Variants in BZW1 observed in about 807,000 individuals in gnomAD.
BZW1 encodes eIF5-mimic protein 2.
BZW1 carries 3 observed loss-of-function variants against 54.1 expected under a neutral mutation model. The observed-to-expected ratio is 0.06, with a 90% CI of 0.03 to 0.14. The LOEUF (loss-of-function observed/expected upper bound fraction) is 0.14. Ranked by LOEUF, BZW1 falls within the 10% of genes least tolerant of loss-of-function variation. BZW1 has a pLI of 1.00. For synonymous variants in BZW1, 152 were observed against 162.7 expected (o/e 0.93, Z 0.50); for missense variants, 206 against 491.7 (o/e 0.42, Z 5.50).
rs1290852323 is a variant in BZW1, at chr2:200,815,457, C to T, written c.181C>T (p.Leu61Phe). 1 of 1,613,920 alleles carries T rather than the reference C, an allele frequency of 6.2e-7. No homozygotes were observed. The highest frequency in any genetic ancestry group is 1.1e-5 in the South Asian group (1 of 91,080). Residue 61 changes from leucine (L) to phenylalanine (F), a missense_variant, in exon 3 of 12, where the codon CTT becomes TTT. Leu to Phe is a conservative substitution (Grantham distance 22, BLOSUM62 0). Coordinates refer to ENST00000409600, the MANE Select transcript of BZW1 (RefSeq NM_001207067.2). ...GTTTCTTGATGCTTCTGGAGCAAAA[C>T]TTGATTACCGTCGATATGCAGAAAC... ...AKFLDASGAK[L>F]DYRRYAETLF... is the part of the protein sequence containing the mutation.
chr2:200,812,964 T>A (rs2038144072), intron 1 of BZW1: 1 of 681,732 alleles, frequency 1.5e-6, no homozygotes, highest in African/African-American at 1.8e-5. Flanking sequence ...CACTACAATG[T>A]CGCTTAAAAG....
chr2:200,826,407 A>AGATAGATAGAT lies in BZW1; in HGVS notation c.*4229_*4230insGATAGATAGAT, dbSNP rs1559318394. ...TAGATAGATAGATAGATAGATAGAT[A>AGATAGATAGAT]TTTTTTTTTTTTTTTTTTTTTTTTT... On this transcript the variant is annotated 3_prime_UTR_variant, in exon 12 of 12. Transcript: ENST00000409600. The AGATAGATAGAT allele has an allele frequency of 3.1e-4, 17 of 54,948 alleles. No homozygotes were observed. Among genetic ancestry groups the AGATAGATAGAT allele is most frequent in the East Asian group, 1.7e-3 (4 of 2,410 alleles). 3.4% of individuals were successfully genotyped at this position (54,948 alleles called of 1,614,324 possible).
chr2:200,812,987 C>T (rs1393858817), intron 1 of BZW1: 1 of 692,118 alleles, frequency 1.4e-6, no homozygotes, highest in Non-Finnish European at 2.7e-6. Context: ...GTTCACAGCA[C>T]TAATTTGAAG....
In BZW1 at chr2:200,825,472, CTTTATG is replaced by C. The variant is rs950960241; in HGVS notation, c.*3300_*3305del. ...TAGACCTTTGCATTGGCAGGCATGT[CTTTATG>C]TTTATACAGTGAAGTAGTATTTTTT... On this transcript the variant is annotated 3_prime_UTR_variant, in exon 12 of 12. Transcript: ENST00000409600. The C allele has an allele frequency of 6.6e-6, 1 of 152,170 alleles. No individual in the cohort carries two copies. The highest frequency in any genetic ancestry group is 1.5e-5 in the Non-Finnish European group (1 of 68,014). 9.4% of individuals were successfully genotyped at this position (152,170 alleles called of 1,614,324 possible). A position where few individuals can be genotyped will look rare whatever the true frequency, so the allele number is the denominator to read the frequency against.
chr2:200,820,166 T>C (rs1422893766), intron 10 of BZW1, 46 bp downstream of exon 10: 1 of 1,428,662 alleles, frequency 7.0e-7, no homozygotes. Flanking sequence ...ATAAAAACCC[T>C]TATAAACACA....
chr2:200,816,195 C>G, intron 4 of BZW1, 130 bp from the exon 5 acceptor site: 4 of 554,388 alleles, frequency 7.2e-6, no homozygotes, highest in South Asian at 3.4e-5. Flanking sequence ...CCTGGACATT[C>G]TTATGTGTCA....
intron 11 of BZW1, among the ~76,000 whole-genome samples, chr2:200,821,590 AGTCTCACTAT>A (rs1310147577): frequency 2.0e-5 from 3 of 151,830 alleles, no homozygotes; most frequent in African/African-American, 7.3e-5. Flanking sequence ...ATAGAGACAG[AGTCTCACTAT>A]GTTGCCGATG....
intron 1 of BZW1, chr2:200,812,416 G>A (rs1248322477): frequency 1.6e-6 from 2 of 1,279,726 alleles, no homozygotes; most frequent in South Asian, 5.2e-5. Context: ...GGATGTACGG[G>A]GCGCCTGGGG....
intron 1 of BZW1, chr2:200,812,522 A>G (rs1293125514): frequency 1.9e-5 from 26 of 1,387,784 alleles, no homozygotes; most frequent in Non-Finnish European, 2.1e-5. Context: ...GCGGGACCCT[A>G]CGGCGCCCCG....
intron 2 of BZW1, 130 bp downstream of exon 2, chr2:200,813,411 G>A (rs2038163261): frequency 3.9e-6 from 3 of 763,602 alleles, no homozygotes; most frequent in South Asian, 3.7e-5. Flanking sequence ...TGAATTTCTC[G>A]TTGACTGCCA....
chr2:200,818,937 T>A, intron 9 of BZW1, 36 bp downstream of exon 9: 6 of 1,516,970 alleles, frequency 4.0e-6, no homozygotes, highest in Non-Finnish European at 5.3e-6. Context: ...CAAACTATTC[T>A]GCTTTCACGT....
intron 6 of BZW1, 83 bp downstream of exon 6, chr2:200,817,324 C>G: frequency 6.8e-7 from 1 of 1,477,806 alleles, no homozygotes; most frequent in South Asian, 1.2e-5. Flanking sequence ...GATGTGACTT[C>G]TGTGAAAGTC....
At position 200,817,257 on chromosome 2, in the gene BZW1, G is replaced by T; in HGVS notation, c.538+16G>T. 1 of 1,610,724 alleles carries T rather than the reference G, an allele frequency of 6.2e-7. No homozygotes were observed. The highest frequency in any genetic ancestry group is 8.5e-7 in the Non-Finnish European group (1 of 1,179,534). ...GTTAAAGAAGGTAATCAGCCTTAAA[G>T]GATGGTCTTCAGTTGACTCAGAGTG... On this transcript the variant is annotated intron_variant, in intron 6 of 11. Transcript: ENST00000409600.
At chr2:200,813,417 T>C (rs1462701964) in intron 2 of BZW1, 136 bp downstream of exon 2, 4 of 731,176 alleles carry the variant, frequency 5.5e-6, no homozygotes, top group Non-Finnish European at 8.8e-6. Flanking sequence ...TCTCGTTGAC[T>C]GCCATTTCAC....
In BZW1 at chr2:200,826,423, T is replaced by TGA. The variant is rs1166263813; in HGVS notation, c.*4245_*4246insGA. On this transcript the variant is annotated 3_prime_UTR_variant, in exon 12 of 12. Coordinates refer to ENST00000409600, the MANE Select transcript of BZW1 (RefSeq NM_001207067.2). ...TAGATAGATATTTTTTTTTTTTTTT[T>TGA]TTTTTTTTTTTTTTTTTTTGAGACA... 5 of 92,700 alleles carry TGA rather than the reference T, an allele frequency of 5.4e-5. No individual in the cohort carries two copies. The highest frequency in any genetic ancestry group is 2.0e-4 in the African/African-American group (5 of 24,936). The allele number at this position is 92,700 out of a possible 1,614,324, so 5.7% of individuals were successfully genotyped here. A position where few individuals can be genotyped will look rare whatever the true frequency, so the allele number is the denominator to read the frequency against.
At chr2:200,814,498 AC>A (rs2038216003) in intron 2 of BZW1, among the ~76,000 whole-genome samples, 2 of 152,156 alleles carry the variant, frequency 1.3e-5, no homozygotes, top group African/African-American at 4.8e-5. Context: ...GGAAAGCAAA[AC>A]CCTATTATGA....
At position 200,819,967 on chromosome 2, in the gene BZW1, C is replaced by T; in HGVS notation, c.967-15C>T. ...TGTAATGAATGACTAAATCTTTTCT[C>T]TGTTCCTTTAAAAGCAATACAGCCC... On this transcript the variant is annotated splice_polypyrimidine_tract_variant and intron_variant, in intron 9 of 11. Coordinates refer to ENST00000409600, the MANE Select transcript of BZW1 (RefSeq NM_001207067.2). The T allele has an allele frequency of 1.3e-6, 2 of 1,481,538 alleles. No individual in the cohort carries two copies. Among genetic ancestry groups the T allele is most frequent in the South Asian group, 1.3e-5 (1 of 74,398 alleles). The allele number at this position is 1,481,538 out of a possible 1,614,324, so 91.8% of individuals were successfully genotyped here.
intron 1 of BZW1, chr2:200,812,590 A>G (rs1007743778): frequency 2.7e-4 from 371 of 1,396,768 alleles, no homozygotes; most frequent in Admixed American, 5.2e-4. Flanking sequence ...GGCGGGAGGC[A>G]TGGGAAGGGT....
chr2:200,821,387 T>C, intron 11 of BZW1, 82 bp downstream of exon 11: 1 of 1,534,210 alleles, frequency 6.5e-7, no homozygotes, highest in Non-Finnish European at 8.8e-7. Flanking sequence ...TGCTTCCTTC[T>C]TTCTGATGCC....
Sources: allele counts gnomAD v4.1 joint callset (sites outside exome capture counted in the v4.1 genomes callset), GRCh38; gene constraint gnomAD v4.1.1; transcripts MANE v1.5; gene names NCBI Gene and HGNC (gene_info 2026-07-23, HGNC 2026-07-21).